PCDH15: variants seen among roughly 807,000 people sequenced by gnomAD.
PCDH15 encodes the protein protocadherin related 15.
In PCDH15, 129 loss-of-function variants were observed where a neutral mutation model predicts 178.5. The observed-to-expected ratio is 0.72, with a 90% CI of 0.63 to 0.84. PCDH15 has a LOEUF of 0.84. Among genes scored for constraint, PCDH15 ranks in the 40% least tolerant of loss-of-function variants. The probability of loss-of-function intolerance (pLI) is 0.00; values close to 1 mark genes in which losing one functional copy is unlikely to be tolerated. For synonymous variants in PCDH15, 800 were observed against 732.0 expected (o/e 1.09, Z -1.50); for missense variants, 2,230 against 2,099.9 (o/e 1.06, Z -1.21).
At chr10:55,173,516 A>C (rs1839398616) in intron 1 of PCDH15, among the ~76,000 whole-genome samples, 1 of 152,038 alleles carries the variant, frequency 6.6e-6, no homozygotes, top group Non-Finnish European at 1.5e-5. Flanking sequence ...GACATCGTTT[A>C]ATTTGTAGTT....
chr10:53,856,762 TA>T (rs772182563), intron 28 of PCDH15, among the ~76,000 whole-genome samples: 4 of 143,896 alleles, frequency 2.8e-5, no homozygotes, highest in Non-Finnish European at 4.6e-5. Context: ...GAGAAAACAG[TA>T]AGCTAAATTA....
chr10:54,676,853 G>T (rs1306986980), intron 1 of PCDH15, among the ~76,000 whole-genome samples: 3 of 152,108 alleles, frequency 2.0e-5, no homozygotes, highest in East Asian at 1.9e-4. Flanking sequence ...GTCAGAGATG[G>T]GTGAAATAAA....
chr10:54,630,777 G>A (rs551272176), intron 2 of PCDH15, among the ~76,000 whole-genome samples: 4 of 152,146 alleles, frequency 2.6e-5, no homozygotes, highest in African/African-American at 7.2e-5. Context: ...TCTAATATCC[G>A]GAGCCTCTAA....
intron 2 of PCDH15, among the ~76,000 whole-genome samples, chr10:55,113,264 T>C (rs1837553134): frequency 6.6e-6 from 1 of 152,210 alleles, no homozygotes; most frequent in Non-Finnish European, 1.5e-5. Context: ...AATTTATTCA[T>C]ATTTTCTTGG....
chr10:54,015,985 C>A (rs72794953), intron 20 of PCDH15, among the ~76,000 whole-genome samples: 33,186 of 151,932 alleles, frequency 0.22, 3,829 homozygotes, highest in Non-Finnish European at 0.26. Context: ...AACAGGCCAC[C>A]TACAGAATGG....
chr10:55,343,705 C>G (rs1197309878), intron 2 of PCDH15, among the ~76,000 whole-genome samples: 1 of 151,814 alleles, frequency 6.6e-6, no homozygotes, highest in Non-Finnish European at 1.5e-5. Context: ...GTATCCAACT[C>G]TGATCAATTG....
intron 2 of PCDH15, among the ~76,000 whole-genome samples, chr10:55,115,776 A>G: frequency 6.6e-6 from 1 of 152,312 alleles, no homozygotes; most frequent in South Asian, 2.1e-4. Context: ...TTCAAAATAA[A>G]TCCAATTGCA....
chr10:54,137,924 T>C (rs1414933319), intron 14 of PCDH15, among the ~76,000 whole-genome samples: 2 of 152,120 alleles, frequency 1.3e-5, no homozygotes, highest in Non-Finnish European at 1.5e-5. Flanking sequence ...GAAGGCCTCC[T>C]AAGCAGTTGC....
In PCDH15 at chr10:54,766,910, A is replaced by G. The variant is rs1305006528; in HGVS notation, c.-29+34015T>C. Among the ~76,000 whole-genome samples the G allele has an allele frequency of 3.3e-5, 5 of 151,852 alleles. No individual in the cohort carries two copies. In the East Asian group the frequency reaches 7.8e-4, roughly 24 times the overall value. ...GCACCACTGCACTCCAGCCTGGGCG[A>G]CAGAGCGAGACTCCATCTCAAAAAA... On this transcript the variant is annotated intron_variant, in intron 1 of 37. Transcript: ENST00000644397.
chr10:55,366,828 A>G (rs536125828), intron 2 of PCDH15, among the ~76,000 whole-genome samples: 1 of 152,216 alleles, frequency 6.6e-6, no homozygotes, highest in African/African-American at 2.4e-5. Flanking sequence ...GGAATTTGGC[A>G]CTTAAAAAAT....
At chr10:55,225,749 A>G (rs56024382) in intron 1 of PCDH15, among the ~76,000 whole-genome samples, 1 of 151,878 alleles carries the variant, frequency 6.6e-6, no homozygotes, top group Admixed American at 6.6e-5. Context: ...AAGTAGTTAG[A>G]TCCCCAAATT....
chr10:55,093,304 GT>G (rs762305565), intron 2 of PCDH15, among the ~76,000 whole-genome samples: 1 of 151,640 alleles, frequency 6.6e-6, no homozygotes, highest in African/African-American at 2.4e-5. Flanking sequence ...TGAATAGTTT[GT>G]TTTTTCAGTT....
At chr10:53,831,666 A>G (rs927713735) in intron 29 of PCDH15, 133 bp from the exon 30 acceptor site, 1 of 666,258 alleles carries the variant, frequency 1.5e-6, no homozygotes, top group African/African-American at 1.8e-5. Context: ...TCTCATGAAT[A>G]ATAAGAAAAG....
intron 1 of PCDH15, among the ~76,000 whole-genome samples, chr10:55,212,973 A>G (rs994706275): frequency 6.6e-6 from 1 of 152,156 alleles, no homozygotes; most frequent in Non-Finnish European, 1.5e-5. Context: ...GTAGAACAGC[A>G]GAGCTCAACA....
chr10:53,855,181 T>A (rs1030929752), intron 28 of PCDH15, among the ~76,000 whole-genome samples: 2 of 152,006 alleles, frequency 1.3e-5, no homozygotes, highest in African/African-American at 4.8e-5. Context: ...GAGATAATAT[T>A]CTAGTGGAAA....
intron 23 of PCDH15, among the ~76,000 whole-genome samples, chr10:53,941,401 TTG>T (rs1489387322): frequency 6.6e-6 from 1 of 152,162 alleles, no homozygotes; most frequent in African/African-American, 2.4e-5. Context: ...TTCCAGAATG[TTG>T]TATAGCTGGA....
intron 1 of PCDH15, among the ~76,000 whole-genome samples, chr10:54,693,065 T>G (rs928145333): frequency 6.6e-6 from 1 of 152,004 alleles, no homozygotes; most frequent in Non-Finnish European, 1.5e-5. Context: ...CTCGTGTGTA[T>G]TGTTCCCCTC....
intron 1 of PCDH15, among the ~76,000 whole-genome samples, chr10:55,227,629 A>C (rs938749736): frequency 2.6e-5 from 4 of 152,246 alleles, no homozygotes; most frequent in South Asian, 4.1e-4. Context: ...AAGTCATAAG[A>C]GGTCTATTGA....
chr10:55,065,814 C>T (rs1841549970), intron 2 of PCDH15, among the ~76,000 whole-genome samples: 2 of 151,930 alleles, frequency 1.3e-5, no homozygotes, highest in Non-Finnish European at 2.9e-5. Context: ...TGTCTTTCTC[C>T]TTCTTAAACT....
Sources: gnomAD v4.1 joint callset for allele counts (sites outside exome capture counted in the v4.1 genomes callset) on GRCh38, gnomAD v4.1.1 for gene constraint, MANE v1.5 for transcripts, NCBI Gene and HGNC (gene_info 2026-07-23, HGNC 2026-07-21) for gene names.